The following ATAD3B variants were observed in gnomAD, a reference collection of about 807,000 sequenced individuals.
The protein encoded by ATAD3B is ATPase family AAA domain-containing protein 3B.
Under a neutral mutation model 70.2 loss-of-function variants are expected in ATAD3B, and 59 were observed. The observed-to-expected ratio is 0.84, with a 90% confidence interval of 0.68 to 1.04. The LOEUF (loss-of-function observed/expected upper bound fraction) is 1.04, where lower values mean the gene tolerates loss of function less well. Among genes scored for constraint, ATAD3B ranks in the 50% least tolerant of loss-of-function variants. ATAD3B has a pLI of 0.00. For synonymous variants in ATAD3B, 423 were observed against 388.6 expected, an observed-to-expected ratio of 1.09 and a Z score of -1.04; for missense variants, 961 against 913.4, an observed-to-expected ratio of 1.05 and a Z score of -0.67.
At chr1:1,491,239 A>G (rs1343775710) in intron 15 of ATAD3B, among the ~76,000 whole-genome samples, 1 of 152,036 alleles carries the variant, frequency 6.6e-6, no homozygotes, top group African/African-American at 2.4e-5. Context: ...ATGGCCATCC[A>G]GAGAGCTCTG....
In ATAD3B at chr1:1,488,008, G is replaced by A. The variant is rs545150070; in HGVS notation, c.1266+94G>A. 3 of 1,538,534 alleles carry A rather than the reference G, an allele frequency of 1.9e-6. No homozygotes were observed. The South Asian group carries it at 3.3e-5, about 17-fold the overall frequency. ...CAGGCTGCAGCCCTTAAGCTGGCTT[G>A]CAGTGGCGCAATCTTGGCTCGCTGC... On this transcript the variant is annotated intron_variant, in intron 12 of 15. Coordinates refer to ENST00000673477, the MANE Select transcript of ATAD3B (RefSeq NM_031921.6).
At chr1:1,480,839 T>C (rs773039933) in intron 4 of ATAD3B, 28 bp from the exon 5 acceptor site, 9 of 1,593,384 alleles carry the variant, frequency 5.6e-6, no homozygotes, top group Non-Finnish European at 7.7e-6. Flanking sequence ...TTTAAAGGCT[T>C]TTCTCTTTTT....
intron 1 of ATAD3B, among the ~76,000 whole-genome samples, chr1:1,474,766 G>A (rs767731510): frequency 6.6e-6 from 1 of 152,018 alleles, no homozygotes; most frequent in Non-Finnish European, 1.5e-5. Flanking sequence ...CTCCCAAAGC[G>A]CTGGGATGAC....
At chr1:1,502,605 G>A (rs1264128875), downstream of ATAD3B, among the ~76,000 whole-genome samples, 2 of 145,902 alleles carry the variant, frequency 1.4e-5, no homozygotes, top group Admixed American at 7.1e-5. Flanking sequence ...TCCGCCTCCC[G>A]GGTTCAAGTG....
rs778825204 is a variant in ATAD3B at position 1,490,635 on chromosome 1, G to C, written c.1578G>C (p.Ser526=). 2.5e-6 allele frequency: 4 copies of C among 1,605,244 alleles called. No individual in the cohort carries two copies. The highest frequency in any genetic ancestry group is 3.4e-6 in the Non-Finnish European group (4 of 1,176,830). ...TCGCTCGGCTGACGGAGGGCATGTC[G>C]GGCCGGGAGATCGCTCAGCTGGCCG... ...SEVARLTEGM[S]GREIAQLAVS... The change falls in exon 15 of 16, where the codon TCG becomes TCC. Residue 526 remains serine (S), a synonymous_variant. Transcript: ENST00000673477.
intron 7 of ATAD3B, among the ~76,000 whole-genome samples, chr1:1,483,261 C>G (rs1242516366): frequency 6.6e-6 from 1 of 151,734 alleles, no homozygotes; most frequent in Non-Finnish European, 1.5e-5. Flanking sequence ...CGCCACTGCA[C>G]CCCAAGACCA....
At chr1:1,500,186 C>T (rs1322179601), downstream of ATAD3B, among the ~76,000 whole-genome samples, 1 of 149,052 alleles carries the variant, frequency 6.7e-6, no homozygotes, top group Non-Finnish European at 1.5e-5. Flanking sequence ...GCGTGAGCCA[C>T]CGCACCCGGC....
Position 1,492,083 on chromosome 1 carries a change from G to A in ATAD3B, c.1614+1412G>A, listed in dbSNP as rs147068090. 1.6e-3 allele frequency among the ~76,000 whole-genome samples: 239 copies of A among 152,124 alleles called. 6 individuals are homozygous for A. The East Asian group carries it at 0.043, about 28-fold the overall frequency. ...TGCCTGTAATGCCAGCTGCTTGGGA[G>A]GCTGAGGTGGGAGGGTCACTTGAGT... On this transcript the variant is annotated intron_variant, in intron 15 of 15. Coordinates refer to ENST00000673477, the MANE Select transcript of ATAD3B (RefSeq NM_031921.6).
rs535759622 is a variant in ATAD3B, at chr1:1,480,472, C to T, written c.445-395C>T. On this transcript the variant is annotated intron_variant, in intron 4 of 15. Coordinates refer to ENST00000673477, the MANE Select transcript of ATAD3B (RefSeq NM_031921.6). ...GTTCCCTGGTCCTTAGGGACCGTCA[C>T]CTTCAGTCCTGAGCTCGCAGGCGGG... Among the ~76,000 whole-genome samples the T allele has an allele frequency of 6.1e-5, 9 of 147,356 alleles. 1 individual carries two copies. The South Asian group carries it at 1.3e-3, about 21-fold the overall frequency.
intron 9 of ATAD3B, 89 bp downstream of exon 9, chr1:1,485,927 C>T (rs1374307504): frequency 5.6e-6 from 9 of 1,604,298 alleles, no homozygotes; most frequent in Admixed American, 3.4e-5. Flanking sequence ...CTCGTGGTGG[C>T]GCCCAGGAGC....
chr1:1,479,981 G>T (rs1376949266), intron 4 of ATAD3B, among the ~76,000 whole-genome samples: 1 of 136,686 alleles, frequency 7.3e-6, no homozygotes, highest in African/African-American at 2.8e-5. Flanking sequence ...CACACACACA[G>T]GCATGGACAC....
At chr1:1,504,427 A>G in the ATAD3B span, among the ~76,000 whole-genome samples, 1 of 151,804 alleles carries the variant, frequency 6.6e-6, no homozygotes, top group East Asian at 2.0e-4. Context: ...AGGTGGGCGA[A>G]TCATCTGAGG....
intron 1 of ATAD3B, among the ~76,000 whole-genome samples, chr1:1,476,258 C>A (rs1332432793): frequency 6.8e-6 from 1 of 147,706 alleles, no homozygotes; most frequent in Non-Finnish European, 1.5e-5. Flanking sequence ...CCCACCCCAA[C>A]ACCAAAGTGT....
chr1:1,474,402 G>A (rs1385223933), intron 1 of ATAD3B, among the ~76,000 whole-genome samples: 1 of 151,184 alleles, frequency 6.6e-6, no homozygotes, highest in Non-Finnish European at 1.5e-5. Flanking sequence ...ATGTTAGCCA[G>A]AATGGTCTCG....
At chr1:1,493,845 T>C (rs1442542931) in intron 15 of ATAD3B, among the ~76,000 whole-genome samples, 2 of 151,938 alleles carry the variant, frequency 1.3e-5, no homozygotes, top group Non-Finnish European at 2.9e-5. Flanking sequence ...TTGAGGACTT[T>C]CCCAGTGAGG....
intron 11 of ATAD3B, 76 bp from the exon 12 acceptor site, chr1:1,487,787 C>T (rs1570255099): frequency 3.8e-6 from 6 of 1,566,298 alleles, no homozygotes; most frequent in Middle Eastern, 2.2e-4. Context: ...CTGGCCTGCT[C>T]CTGCCGCGGC....
chr1:1,494,874 A>G (rs1477813260), intron 15 of ATAD3B, among the ~76,000 whole-genome samples: 1 of 151,946 alleles, frequency 6.6e-6, no homozygotes, highest in Non-Finnish European at 1.5e-5. Flanking sequence ...TGGGGACTCC[A>G]CGCCCTTCGC....
the ATAD3B span, among the ~76,000 whole-genome samples, chr1:1,508,053 G>C: frequency 1.3e-5 from 2 of 152,212 alleles, no homozygotes; most frequent in Non-Finnish European, 2.9e-5. Context: ...CATCTGCGTA[G>C]CCCCTTTCCT....
intron 7 of ATAD3B, chr1:1,483,893 G>C (rs770506809): frequency 6.6e-6 from 1 of 152,116 alleles, no homozygotes; most frequent in African/African-American, 2.4e-5. Flanking sequence ...AACATTCACC[G>C]TCACGCTGAC....
Sources: gnomAD v4.1 joint callset for allele counts (sites outside exome capture counted in the v4.1 genomes callset) on GRCh38, gnomAD v4.1.1 for gene constraint, MANE v1.5 for transcripts, NCBI Gene and HGNC (gene_info 2026-07-23, HGNC 2026-07-21) for gene names.